The following NBEA variants were observed in gnomAD, a reference collection of about 807,000 sequenced individuals.
NBEA encodes the protein lysosomal-trafficking regulator 2.
Under a neutral mutation model 343.4 loss-of-function variants are expected in NBEA, and 44 were observed. The ratio of observed to expected loss-of-function variants is 0.13; its 90% CI spans 0.10 to 0.16. NBEA has a LOEUF of 0.16. Among genes scored for constraint, NBEA ranks in the 10% least tolerant of loss-of-function variants. NBEA has a pLI of 1.00. For synonymous variants in NBEA, 1,175 were observed against 1,238.7 expected (o/e 0.95, Z 1.08); for missense variants, 2,555 against 3,631.3 (o/e 0.70, Z 7.62).
chr13:35,064,069 T>A (rs2063559830), intron 8 of NBEA, among the ~76,000 whole-genome samples: 1 of 152,064 alleles, frequency 6.6e-6, no homozygotes, highest in East Asian at 1.9e-4. Context: ...TTGTTTGAGA[T>A]GCCTGATAGA....
chr13:35,162,971 T>C (rs1435139216), intron 23 of NBEA, among the ~76,000 whole-genome samples: 1 of 152,188 alleles, frequency 6.6e-6, no homozygotes, highest in Non-Finnish European at 1.5e-5. Flanking sequence ...TGTTATATGA[T>C]AAATTACCTA....
At chr13:35,249,877 CAATGG>C (rs2031747589) in intron 34 of NBEA, among the ~76,000 whole-genome samples, 1 of 152,116 alleles carries the variant, frequency 6.6e-6, no homozygotes, top group Non-Finnish European at 1.5e-5. Flanking sequence ...TATATACATA[CAATGG>C]AATGGTATTC....
intron 38 of NBEA, among the ~76,000 whole-genome samples, chr13:35,384,957 C>A (rs2042175545): frequency 1.3e-5 from 2 of 152,178 alleles, no homozygotes; most frequent in Admixed American, 6.5e-5. Context: ...AGGATTCAGT[C>A]TGAAAATATT....
At chr13:35,537,561 G>T (rs2078621380) in intron 41 of NBEA, among the ~76,000 whole-genome samples, 1 of 152,140 alleles carries the variant, frequency 6.6e-6, no homozygotes, top group East Asian at 1.9e-4. Flanking sequence ...TGCGGTAAGT[G>T]CTGTGAAGAG....
intron 48 of NBEA, among the ~76,000 whole-genome samples, chr13:35,608,132 T>C (rs1442007553): frequency 6.6e-6 from 1 of 152,212 alleles, no homozygotes; most frequent in African/African-American, 2.4e-5. Flanking sequence ...AGAAAGTTGC[T>C]GATGTAATAT....
intron 49 of NBEA, among the ~76,000 whole-genome samples, chr13:35,637,527 A>G (rs1030820643): frequency 8.5e-5 from 13 of 152,188 alleles, no homozygotes; most frequent in Admixed American, 5.9e-4. Flanking sequence ...ACTTTTCACA[A>G]TAGTCAAAAG....
At chr13:35,295,205 A>G (rs1176090976) in intron 35 of NBEA, among the ~76,000 whole-genome samples, 2 of 150,190 alleles carry the variant, frequency 1.3e-5, no homozygotes, top group African/African-American at 4.9e-5. Context: ...GCAATGTGTA[A>G]TCCAATACCT....
At chr13:35,139,077 T>TG (rs2067917139) in intron 17 of NBEA, among the ~76,000 whole-genome samples, 1 of 148,610 alleles carries the variant, frequency 6.7e-6, no homozygotes, top group South Asian at 2.1e-4. Context: ...TTTTTTTTTT[T>TG]TGAGACAGAG....
intron 38 of NBEA, among the ~76,000 whole-genome samples, chr13:35,360,854 G>C (rs756278965): frequency 1.2e-4 from 18 of 151,846 alleles, no homozygotes; most frequent in Admixed American, 2.6e-4. Context: ...GCACCTCTGG[G>C]ATAATATCAC....
intron 7 of NBEA, among the ~76,000 whole-genome samples, chr13:35,058,048 G>A (rs1213984441): frequency 1.3e-5 from 2 of 152,082 alleles, no homozygotes; most frequent in Non-Finnish European, 2.9e-5. Flanking sequence ...GCCTTCCCTG[G>A]TTTGGGTGGG....
chr13:35,518,098 T>C (rs1227051165), intron 41 of NBEA, among the ~76,000 whole-genome samples: 3 of 152,198 alleles, frequency 2.0e-5, no homozygotes, highest in Non-Finnish European at 2.9e-5. Flanking sequence ...TGTACTTCCC[T>C]TGGTACTTTG....
chr13:35,066,679 T>G (rs183035102), intron 8 of NBEA, among the ~76,000 whole-genome samples: 33 of 152,194 alleles, frequency 2.2e-4, no homozygotes, highest in African/African-American at 7.7e-4. Flanking sequence ...TCTTTGAATA[T>G]TCTATAAACA....
chr13:35,422,568 T>A (rs1594578747), intron 38 of NBEA, among the ~76,000 whole-genome samples: 1 of 152,272 alleles, frequency 6.6e-6, no homozygotes, highest in African/African-American at 2.4e-5. Context: ...TTTGGGTTGG[T>A]TCCAAGTCTT....
intron 18 of NBEA, among the ~76,000 whole-genome samples, chr13:35,150,932 A>G (rs1460172079): frequency 6.6e-6 from 1 of 151,916 alleles, no homozygotes; most frequent in Non-Finnish European, 1.5e-5. Context: ...CCTATCCAAC[A>G]TGGTGAAACC....
chr13:35,175,743 T>C (rs1488905323), intron 27 of NBEA, among the ~76,000 whole-genome samples: 2 of 152,154 alleles, frequency 1.3e-5, no homozygotes, highest in African/African-American at 2.4e-5. Flanking sequence ...CTTCCTGTGT[T>C]ATGTGTTTCT....
intron 38 of NBEA, among the ~76,000 whole-genome samples, chr13:35,413,233 A>G (rs2043697909): frequency 6.6e-6 from 1 of 152,156 alleles, no homozygotes; most frequent in African/African-American, 2.4e-5. Context: ...AACCATTTGT[A>G]ACTCTCAGTA....
Position 35,118,418 on chromosome 13 carries a change from A to G in NBEA, c.2187A>G (p.Leu729=). The change falls in exon 16 of 59, where the codon TTA becomes TTG. Residue 729 remains leucine, a synonymous_variant. Coordinates refer to ENST00000379939, the MANE Select transcript of NBEA (RefSeq NM_001385012.1). ...IHDVLQLLVA[L]MSEHPASMIP... is the part of the protein sequence containing the mutation. Reference sequence around the variant, plus strand: ...ATGTGCTACAGTTACTGGTGGCTTTAATGTCGGAACACCCAGCCTCAATGA... The same window carrying G: ...ATGTGCTACAGTTACTGGTGGCTTTGATGTCGGAACACCCAGCCTCAATGA... 6.2e-7 allele frequency: 1 copy of G among 1,607,606 alleles called. No individual in the cohort carries two copies. The highest frequency in any genetic ancestry group is 1.7e-5 in the Admixed American group (1 of 59,624).
intron 52 of NBEA, among the ~76,000 whole-genome samples, chr13:35,650,314 T>TAAACA (rs2084454122): frequency 6.6e-6 from 1 of 152,144 alleles, no homozygotes; most frequent in African/African-American, 2.4e-5. Context: ...TATACAGCAA[T>TAAACA]AAACAAAACA....
chr13:35,309,395 A>C, intron 35 of NBEA, 133 bp from the exon 36 acceptor site: 1 of 610,842 alleles, frequency 1.6e-6, no homozygotes, highest in Middle Eastern at 4.3e-4. Flanking sequence ...AATATTCATT[A>C]CAAAATCTTG....
Sources: allele counts gnomAD v4.1 joint callset (sites outside exome capture counted in the v4.1 genomes callset), GRCh38; gene constraint gnomAD v4.1.1; transcripts MANE v1.5; gene names NCBI Gene and HGNC (gene_info 2026-07-23, HGNC 2026-07-21).